Variants in KDR observed in about 807,000 individuals in gnomAD.
The protein encoded by KDR is vascular endothelial growth factor receptor 2.
A neutral mutation model predicts 160.9 loss-of-function variants in KDR; 43 were observed. The ratio of observed to expected loss-of-function variants is 0.27; its 90% CI spans 0.21 to 0.34. The LOEUF is 0.34. Among genes scored for constraint, KDR ranks in the 10% least tolerant of loss-of-function variants. The pLI, the probability that KDR is intolerant of heterozygous loss-of-function variation, is 1.00. For synonymous variants in KDR, 617 were observed against 600.1 expected (o/e 1.03, Z -0.41); for missense variants, 1,469 against 1,666.4 (o/e 0.88, Z 2.06).
chr4:55,082,409 T>A, intron 28 of KDR, 127 bp downstream of exon 28: 2 of 726,204 alleles, frequency 2.8e-6, no homozygotes, highest in Non-Finnish European at 4.8e-6. Context: ...AATGACCCCA[T>A]GATACACACA....
chr4:55,113,998 T>G, intron 6 of KDR, 128 bp downstream of exon 6: 2 of 879,954 alleles, frequency 2.3e-6, no homozygotes, highest in Non-Finnish European at 3.9e-6. Flanking sequence ...TGTGAGTGGG[T>G]GTGTATGTGT....
Position 55,115,394 on chromosome 4 carries a change from T to G in KDR, c.376A>C (p.Ile126Leu), listed in dbSNP as rs1446690125. Residue 126 changes from isoleucine (I) to leucine (L), a missense_variant, in exon 4 of 30, where the codon ATT (isoleucine) becomes CTT (leucine). Ile to Leu is a conservative substitution (Grantham distance 5). Around this residue, in one of 7 missense-constraint regions of KDR, gnomAD observed 792 missense variants for 840.9 expected, o/e 0.94. Coordinates refer to ENST00000263923, the MANE Select transcript of KDR (RefSeq NM_002253.4). ...VYVQDYRSPFIASVSDQHGVV... is the reference protein window; with the variant it reads ...VYVQDYRSPFLASVSDQHGVV... The stretch of plus-strand genomic sequence containing the variant: ...CCATGTTGGTCACTAACAGAAGCAA[T>G]AAATGGAGATCTGTAATCTAGAAGA... 6 of 1,516,770 alleles carry G rather than the reference T, an allele frequency of 4.0e-6. No homozygotes were observed. Among genetic ancestry groups the G allele is most frequent in the Non-Finnish European group, 5.5e-6 (6 of 1,091,628 alleles). The allele number at this position is 1,516,770 out of a possible 1,614,324, so 94.0% of individuals were successfully genotyped here. A position where few individuals can be genotyped will look rare whatever the true frequency, so the allele number is the denominator to read the frequency against.
rs764954639 is a variant in KDR, at chr4:55,110,772, GAAGAA to G, written c.977-9_977-5del. On this transcript the variant is annotated splice_polypyrimidine_tract_variant and splice_region_variant and intron_variant, in intron 7 of 29. Transcript: ENST00000263923. ...CCAAAAGCAACAAAAGGTTTTTCTG[GAAGAA>G]AATAAAAAAAAAAAAAGGTCAACTT... 6.6e-7 allele frequency: 1 copy of G among 1,523,248 alleles called. No individual in the cohort carries two copies. Among genetic ancestry groups the G allele is most frequent in the South Asian group, 1.2e-5 (1 of 85,488 alleles). 94.4% of individuals were successfully genotyped at this position (1,523,248 alleles called of 1,614,324 possible).
rs1246851680 is a variant in KDR, at chr4:55,110,914, C to T, written c.977-146G>A. 8.8e-6 allele frequency: 6 copies of T among 678,770 alleles called. No individual in the cohort carries two copies. In the African/African-American group the frequency reaches 9.1e-5, roughly 10 times the overall value. 42.0% of individuals were successfully genotyped at this position (678,770 alleles called of 1,614,324 possible). Reference sequence around the variant, plus strand: ...TCCTGTACTATCTTTCAGTGGGTCACTTTTCAGCTTCTCCCACACCTCCCG... The same window carrying T: ...TCCTGTACTATCTTTCAGTGGGTCATTTTTCAGCTTCTCCCACACCTCCCG... On this transcript the variant is annotated intron_variant, in intron 7 of 29. Transcript: ENST00000263923.
intron 1 of KDR, chr4:55,122,971 A>T (rs1720932615): frequency 6.6e-6 from 1 of 152,092 alleles, no homozygotes; most frequent in Non-Finnish European, 1.5e-5. Context: ...GGGTCTCGCT[A>T]TGTTGCCCAG....
chr4:55,110,471 T>C lies in KDR; in HGVS notation c.1187A>G (p.Tyr396Cys). The C allele has an allele frequency of 6.2e-7, 1 of 1,613,974 alleles. No individual in the cohort carries two copies. Residue 396 changes from tyrosine (Y) to cysteine (C), a missense_variant, in exon 9 of 30, where the codon TAC (tyrosine) becomes TGC (cysteine). Coordinates refer to ENST00000263923, the MANE Select transcript of KDR (RefSeq NM_002253.4). Reference sequence around the variant, plus strand: ...AATGGGATTGGTAAGGATGACAGTGTAATTTCCTGTGTCTCTTTCACTCAC... The same window carrying C: ...AATGGGATTGGTAAGGATGACAGTGCAATTTCCTGTGTCTCTTTCACTCAC... ...MEVSERDTGN[Y>C]TVILTNPISK...
At chr4:55,080,262 C>T (rs2110003960) in intron 29 of KDR, 99 bp from the exon 30 acceptor site, 3 of 1,023,378 alleles carry the variant, frequency 2.9e-6, no homozygotes, top group East Asian at 5.0e-5. Context: ...CTGCCATCTC[C>T]CTGGAGACCG....
chr4:55,124,649 C>T (rs1040231442), intron 1 of KDR, among the ~76,000 whole-genome samples: 4 of 151,802 alleles, frequency 2.6e-5, no homozygotes, highest in African/African-American at 9.7e-5. Flanking sequence ...AGAGCGGCGT[C>T]CTGCACCAAG....
intron 26 of KDR, 45 bp downstream of exon 26, chr4:55,088,823 A>C (rs1719934830): frequency 1.5e-6 from 2 of 1,343,536 alleles, no homozygotes; most frequent in Non-Finnish European, 2.1e-6. Context: ...AGTCCTTGAC[A>C]TCTAAGTACT....
At chr4:55,083,573 G>A (rs1209417806) in intron 27 of KDR, among the ~76,000 whole-genome samples, 1 of 152,034 alleles carries the variant, frequency 6.6e-6, no homozygotes, top group African/African-American at 2.4e-5. Context: ...CGGCCGTGTG[G>A]CTTTGGGTGA....
chr4:55,105,800 T>G, intron 12 of KDR, 32 bp downstream of exon 12: 3 of 1,348,754 alleles, frequency 2.2e-6, no homozygotes, highest in Non-Finnish European at 3.2e-6. Context: ...GTGTGAGTGA[T>G]CCAACCCAAA....
chr4:55,115,956 T>A (rs981255601), intron 3 of KDR, among the ~76,000 whole-genome samples: 1 of 152,238 alleles, frequency 6.6e-6, no homozygotes. Flanking sequence ...ATTTGGTTAT[T>A]CAAGAGGACC....
intron 10 of KDR, among the ~76,000 whole-genome samples, chr4:55,107,133 G>A (rs1290911634): frequency 1.3e-5 from 2 of 152,196 alleles, no homozygotes; most frequent in East Asian, 3.9e-4. Flanking sequence ...GCTCCTTAAA[G>A]TAATTTCTCT....
At chr4:55,086,600 T>A (rs941266906) in intron 27 of KDR, among the ~76,000 whole-genome samples, 2 of 152,218 alleles carry the variant, frequency 1.3e-5, no homozygotes, top group East Asian at 3.8e-4. Context: ...ACGGCAAAGT[T>A]CTTTAAAAAT....
Position 55,110,496 on chromosome 4 carries a change from C to A in KDR, c.1162G>T (p.Val388Leu), listed in dbSNP as rs1720550295. ...TAATTTCCTGTGTCTCTTTCACTCACTTCCATAATCGTCAGTACATGCCCC... is the reference window on the plus strand; with the variant it reads ...TAATTTCCTGTGTCTCTTTCACTCAATTCCATAATCGTCAGTACATGCCCC... ...KAGHVLTIME[V>L]SERDTGNYTV... is the part of the protein sequence containing the mutation. The change falls in exon 9 of 30, where the codon GTG becomes TTG. Residue 388 changes from valine to leucine, a missense_variant. Val to Leu is a conservative substitution (Grantham distance 32). Coordinates refer to ENST00000263923, the MANE Select transcript of KDR (RefSeq NM_002253.4). 2.5e-6 allele frequency: 4 copies of A among 1,613,840 alleles called. No individual in the cohort carries two copies. In the African/African-American group the frequency reaches 4.0e-5, roughly 16 times the overall value.
intron 10 of KDR, 52 bp from the exon 11 acceptor site, chr4:55,106,862 G>C (rs1188061202): frequency 6.9e-7 from 1 of 1,459,468 alleles, no homozygotes; most frequent in African/African-American, 1.4e-5. Context: ...TCTTTAATTA[G>C]AGTCAAGAGT....
At chr4:55,110,133 T>C (rs1720540930) in intron 9 of KDR, among the ~76,000 whole-genome samples, 1 of 152,204 alleles carries the variant, frequency 6.6e-6, no homozygotes, top group South Asian at 2.1e-4. Context: ...GGCATTCTTA[T>C]TTCACAACAT....
intron 13 of KDR, among the ~76,000 whole-genome samples, chr4:55,102,717 A>G (rs1203131018): frequency 6.6e-6 from 1 of 152,202 alleles, no homozygotes; most frequent in Non-Finnish European, 1.5e-5. Context: ...TAACATTCAT[A>G]TTAGTGATAC....
intron 10 of KDR, among the ~76,000 whole-genome samples, chr4:55,107,110 T>C (rs1295062853): frequency 6.6e-6 from 1 of 152,184 alleles, no homozygotes; most frequent in Non-Finnish European, 1.5e-5. Flanking sequence ...CAAGGAAACT[T>C]AGAAGCCACT....
Sources: allele counts gnomAD v4.1 joint callset (sites outside exome capture counted in the v4.1 genomes callset), GRCh38; gene constraint gnomAD v4.1.1; regional missense constraint gnomAD v4.1.1; transcripts MANE v1.5; gene names NCBI Gene and HGNC (gene_info 2026-07-23, HGNC 2026-07-21).